The following VAV3 variants were observed in gnomAD, a reference collection of about 807,000 sequenced individuals.
VAV3 encodes vav guanine nucleotide exchange factor 3.
Under a neutral mutation model 131.2 loss-of-function variants are expected in VAV3, and 94 were observed. The observed-to-expected ratio is 0.72, with a 90% CI of 0.61 to 0.85. The LOEUF (loss-of-function observed/expected upper bound fraction) is 0.85. Among genes scored for constraint, VAV3 ranks in the 40% least tolerant of loss-of-function variants. The pLI is 0.00. For missense variants in VAV3, 939 were observed against 1,002.7 expected, an observed-to-expected ratio of 0.94 and a Z score of 0.86; for synonymous variants, 349 against 342.0, an observed-to-expected ratio of 1.02 and a Z score of -0.22.
intron 20 of VAV3, among the ~76,000 whole-genome samples, chr1:107,620,327 C>G (rs931281380): frequency 6.6e-6 from 1 of 152,110 alleles, no homozygotes; most frequent in African/African-American, 2.4e-5. Context: ...CAATGACTAA[C>G]TTTATAATGA....
At chr1:107,617,941 T>C (rs1653287536) in intron 20 of VAV3, among the ~76,000 whole-genome samples, 2 of 152,168 alleles carry the variant, frequency 1.3e-5, no homozygotes, top group South Asian at 2.1e-4. Flanking sequence ...ACCAACGTTT[T>C]TGGCCCCAGG....
intron 2 of VAV3, among the ~76,000 whole-genome samples, chr1:107,858,247 A>G (rs1669565009): frequency 6.6e-6 from 1 of 152,226 alleles, no homozygotes; most frequent in South Asian, 2.1e-4. Context: ...AAGATTAAAA[A>G]TGTGATCTTC....
intron 25 of VAV3, among the ~76,000 whole-genome samples, chr1:107,580,997 T>C (rs1486297775): frequency 6.6e-6 from 1 of 152,110 alleles, no homozygotes; most frequent in Non-Finnish European, 1.5e-5. Flanking sequence ...AACAGTGACA[T>C]TTAAATGGGA....
intron 21 of VAV3, among the ~76,000 whole-genome samples, chr1:107,613,738 G>A (rs1410406): frequency 0.36 from 54,091 of 151,994 alleles, 9,965 homozygotes; most frequent in Middle Eastern, 0.42. Flanking sequence ...CAAATTGTGA[G>A]TGTATGTTGC....
At chr1:107,603,430 G>C (rs183813338) in intron 22 of VAV3, among the ~76,000 whole-genome samples, 73 of 152,310 alleles carry the variant, frequency 4.8e-4, no homozygotes, top group Non-Finnish European at 1.6e-4. Flanking sequence ...AGAGGAGTCA[G>C]TGGGTATTGG....
intron 18 of VAV3, among the ~76,000 whole-genome samples, chr1:107,688,046 G>A (rs1189201777): frequency 1.3e-5 from 2 of 152,170 alleles, no homozygotes; most frequent in African/African-American, 4.8e-5. Flanking sequence ...CAAATGTCGG[G>A]CAGTGACACA....
chr1:107,693,493 C>T (rs1416031570), intron 17 of VAV3, among the ~76,000 whole-genome samples: 1 of 151,936 alleles, frequency 6.6e-6, no homozygotes, highest in African/African-American at 2.4e-5. Flanking sequence ...ATTATCATTT[C>T]CAGGGTGAAT....
intron 2 of VAV3, among the ~76,000 whole-genome samples, chr1:107,845,434 T>C (rs1668918226): frequency 6.6e-6 from 1 of 151,792 alleles, no homozygotes; most frequent in Non-Finnish European, 1.5e-5. Context: ...GGAACAAAAC[T>C]GGAAAGAGAA....
intron 2 of VAV3, among the ~76,000 whole-genome samples, chr1:107,785,922 T>C (rs1665954721): frequency 1.3e-5 from 2 of 152,204 alleles, no homozygotes; most frequent in Non-Finnish European, 1.5e-5. Context: ...ATCATAATTT[T>C]CTTCGAAACT....
chr1:107,769,776 C>A (rs1343395989), intron 6 of VAV3, among the ~76,000 whole-genome samples: 1 of 152,174 alleles, frequency 6.6e-6, no homozygotes, highest in Non-Finnish European at 1.5e-5. Context: ...GTTTCTCATG[C>A]CAAAACCTAC....
rs933276532 is a variant in VAV3, at chr1:107,572,052, G to C, written c.*1279C>G. On this transcript the variant is annotated 3_prime_UTR_variant, in exon 27 of 27. Transcript: ENST00000370056. ...GCTATGGAGGAAATATTTCCATCAG[G>C]AAAGGGCCAAGTTAGTGTCTTAACT... 1.3e-5 allele frequency: 2 copies of C among 152,218 alleles called. No homozygotes were observed. The highest frequency in any genetic ancestry group is 2.9e-5 in the Non-Finnish European group (2 of 68,038). The allele number at this position is 152,218 out of a possible 1,614,324, so 9.4% of individuals were successfully genotyped here.
Position 107,609,953 on chromosome 1 carries a change from C to T in VAV3, c.1993G>A (p.Val665Ile). 6.2e-7 allele frequency: 1 copy of T among 1,613,546 alleles called. No individual in the cohort carries two copies. The highest frequency in any genetic ancestry group is 8.5e-7 in the Non-Finnish European group (1 of 1,179,624). ...VKPCPCVPKP[V>I]DYSCQPWYAG... ...TACCAGGGTTGGCAAGAATAATCTA[C>T]TGGTTTGGGCACCTAGGATATAAAA... is the stretch of plus-strand genomic sequence containing the variant. Residue 665 changes from valine (V) to isoleucine (I), a missense_variant, in exon 22 of 27, where the codon GTA becomes ATA. Physicochemically the swap from Val to Ile is conservative, Grantham distance 29. Coordinates refer to ENST00000370056, the MANE Select transcript of VAV3 (RefSeq NM_006113.5).
intron 2 of VAV3, among the ~76,000 whole-genome samples, chr1:107,853,605 T>C (rs1019635334): frequency 6.6e-6 from 1 of 151,338 alleles, no homozygotes; most frequent in African/African-American, 2.4e-5. Flanking sequence ...TTTATAGTGC[T>C]GCAAGTTCTT....
intron 2 of VAV3, among the ~76,000 whole-genome samples, chr1:107,844,322 C>A (rs1668863560): frequency 6.6e-6 from 1 of 152,158 alleles, no homozygotes; most frequent in Admixed American, 6.5e-5. Flanking sequence ...CTTCGCAACC[C>A]AAAGAACAGG....
At chr1:107,792,984 A>G (rs1666367055) in intron 2 of VAV3, among the ~76,000 whole-genome samples, 1 of 152,150 alleles carries the variant, frequency 6.6e-6, no homozygotes, top group African/African-American at 2.4e-5. Context: ...CAGTATAAAT[A>G]TTTATATTAT....
intron 2 of VAV3, chr1:107,785,447 A>G (rs947829266): frequency 7.5e-7 from 1 of 1,329,206 alleles, no homozygotes; most frequent in Non-Finnish European, 9.9e-7. Flanking sequence ...TCCGAGGGAA[A>G]GGGTACTTAC....
At chr1:107,951,098 G>A (rs1208874260) in intron 1 of VAV3, among the ~76,000 whole-genome samples, 1 of 140,462 alleles carries the variant, frequency 7.1e-6, no homozygotes, top group Non-Finnish European at 1.5e-5. Flanking sequence ...ATGTTATTAA[G>A]GGTCCTACAT....
chr1:107,908,613 G>A (rs1571126171), intron 1 of VAV3, among the ~76,000 whole-genome samples: 1 of 151,696 alleles, frequency 6.6e-6, no homozygotes, highest in African/African-American at 2.4e-5. Flanking sequence ...TTCACTCTTC[G>A]GGCCTTTGGT....
intron 12 of VAV3, among the ~76,000 whole-genome samples, chr1:107,751,648 T>C (rs1213444180): frequency 6.9e-6 from 1 of 144,082 alleles, no homozygotes; most frequent in African/African-American, 2.5e-5. Context: ...AAACGCACAA[T>C]TGCCATGAAG....
Sources: gnomAD v4.1 joint callset for allele counts (sites outside exome capture counted in the v4.1 genomes callset) on GRCh38, gnomAD v4.1.1 for gene constraint, MANE v1.5 for transcripts, NCBI Gene and HGNC (gene_info 2026-07-23, HGNC 2026-07-21) for gene names.